The following TFDP1 variants were observed in gnomAD, a reference collection of about 807,000 sequenced individuals.
The protein encoded by TFDP1 is DRTF1-polypeptide 1.
A neutral mutation model predicts 48.0 loss-of-function variants in TFDP1; 6 were observed. That is an observed-to-expected ratio of 0.13 (90% CI 0.07 to 0.25). The LOEUF is 0.25. Ranked by LOEUF, TFDP1 falls within the 10% of genes least tolerant of loss-of-function variation. TFDP1 has a pLI of 1.00. For synonymous variants in TFDP1, 201 were observed against 211.6 expected (o/e 0.95, Z 0.44); for missense variants, 335 against 543.0 (o/e 0.62, Z 3.81).
intron 2 of TFDP1, among the ~76,000 whole-genome samples, chr13:113,604,160 C>A (rs1284859865): frequency 4.9e-3 from 505 of 104,090 alleles, no homozygotes; most frequent in South Asian, 4.6e-3. Context: ...CAGCCTGTCT[C>A]AAAAAAAAAA....
rs2049634782 is a variant in TFDP1 at position 113,641,402 on chromosome 13, T to G, written c.*1135T>G. 1 of 152,176 alleles carries G rather than the reference T, an allele frequency of 6.6e-6. No homozygotes were observed. The highest frequency in any genetic ancestry group is 2.1e-4 in the South Asian group (1 of 4,820). 9.4% of individuals were successfully genotyped at this position (152,176 alleles called of 1,614,324 possible). A position where few individuals can be genotyped will look rare whatever the true frequency, so the allele number is the denominator to read the frequency against. The stretch of plus-strand genomic sequence containing the variant: ...ATATTTTATGGTATATAAAGAGACT[T>G]TAATTGTTTGACTTGTTTAACTTGG... On this transcript the variant is annotated 3_prime_UTR_variant, in exon 12 of 12. Coordinates refer to ENST00000375370, the MANE Select transcript of TFDP1 (RefSeq NM_007111.5).
intron 2 of TFDP1, among the ~76,000 whole-genome samples, chr13:113,595,552 C>T (rs1182407077): frequency 6.6e-6 from 1 of 152,204 alleles, no homozygotes; most frequent in Non-Finnish European, 1.5e-5. Context: ...ATGGATGTGT[C>T]TCAGTAATTA....
chr13:113,611,991 A>G (rs975122428), intron 3 of TFDP1, among the ~76,000 whole-genome samples: 4 of 151,906 alleles, frequency 2.6e-5, no homozygotes, highest in Non-Finnish European at 4.4e-5. Flanking sequence ...CCTAAAAGGA[A>G]CCTTAAGATT....
In TFDP1 at chr13:113,633,757, G is replaced by A. The variant is rs1051389783; in HGVS notation, c.475-133G>A. The A allele has an allele frequency of 1.5e-5, 16 of 1,053,552 alleles. No individual in the cohort carries two copies. The highest frequency in any genetic ancestry group is 3.1e-5 in the South Asian group (2 of 64,710). 65.3% of individuals were successfully genotyped at this position (1,053,552 alleles called of 1,614,324 possible). ...CCTGCGTCATCTGTGGGGTGGGAGC[G>A]CTCCCTGAGGGCATGTTGGGGTGGC... On this transcript the variant is annotated intron_variant, in intron 6 of 11. Transcript: ENST00000375370. The surrounding 1 kb of genome is among the most constrained non-coding windows in gnomAD (Gnocchi z 4.5).
At position 113,607,842 on chromosome 13, in the gene TFDP1, G is replaced by A. The variant is rs751649805; in HGVS notation, c.13-3154G>A. ...GGATTGCTGAGTTCCCATCCCAGCC[G>A]GAGCTGACCACCAAGTCGACGGGGC... On this transcript the variant is annotated intron_variant, in intron 2 of 11. Coordinates refer to ENST00000375370, the MANE Select transcript of TFDP1 (RefSeq NM_007111.5). This position sits in a 1 kb window ranked among gnomAD's most constrained non-coding sequence, Gnocchi z 5.2. Among the ~76,000 whole-genome samples, 52 of 152,318 alleles carry A rather than the reference G, an allele frequency of 3.4e-4. No individual in the cohort carries two copies. The highest frequency in any genetic ancestry group is 6.2e-4 in the Non-Finnish European group (42 of 68,016).
chr13:113,599,916 C>T (rs2048370033), intron 2 of TFDP1, among the ~76,000 whole-genome samples: 1 of 151,130 alleles, frequency 6.6e-6, no homozygotes, highest in Non-Finnish European at 1.5e-5. Flanking sequence ...GTATGTAGGG[C>T]TCCAGAACCG....
intron 5 of TFDP1, among the ~76,000 whole-genome samples, chr13:113,632,763 G>A (rs553626474): frequency 6.6e-6 from 1 of 152,316 alleles, no homozygotes; most frequent in Admixed American, 6.5e-5. Context: ...ACGACAGAGC[G>A]AGACTCCGTC....
intron 2 of TFDP1, among the ~76,000 whole-genome samples, chr13:113,597,463 T>C (rs190624010): frequency 3.9e-4 from 59 of 152,264 alleles, no homozygotes; most frequent in African/African-American, 1.4e-3. Context: ...TGATGTGTTG[T>C]GGAGGAAGCT....
intron 5 of TFDP1, among the ~76,000 whole-genome samples, chr13:113,632,147 C>T (rs563809437): frequency 1.3e-5 from 2 of 152,232 alleles, no homozygotes; most frequent in Non-Finnish European, 2.9e-5. Flanking sequence ...CCTGGGGTTA[C>T]GGCCCCCGCG....
intron 3 of TFDP1, among the ~76,000 whole-genome samples, chr13:113,621,714 C>T (rs907825229): frequency 1.3e-5 from 2 of 152,198 alleles, no homozygotes; most frequent in African/African-American, 2.4e-5. Context: ...GGAAGATGTC[C>T]GTTGCCAGGT....
Position 113,611,038 on chromosome 13 carries a change from G to A in TFDP1, c.55G>A (p.Asp19Asn). 6.2e-7 allele frequency: 1 copy of A among 1,614,144 alleles called. No individual in the cohort carries two copies. Among genetic ancestry groups the A allele is most frequent in the South Asian group, 1.1e-5 (1 of 91,074 alleles). ...CAACGGAGAACTCAAGGTCTTCATA[G>A]ACCAGAACCTTAGTCCCGGGAAAGG... Reference protein sequence around the residue: ...EANGELKVFIDQNLSPGKGVV... With the variant: ...EANGELKVFINQNLSPGKGVV... Residue 19 changes from aspartate (D) to asparagine (N), a missense_variant, in exon 3 of 12, where the codon GAC (aspartate) becomes AAC (asparagine). Physicochemically the swap from Asp to Asn is conservative, Grantham distance 23. Transcript: ENST00000375370.
chr13:113,607,771 G>A lies in TFDP1; in HGVS notation c.13-3225G>A, dbSNP rs1273243807. On this transcript the variant is annotated intron_variant, in intron 2 of 11. Coordinates refer to ENST00000375370, the MANE Select transcript of TFDP1 (RefSeq NM_007111.5). This position sits in a 1 kb window ranked among gnomAD's most constrained non-coding sequence, Gnocchi z 5.2. ...GTGCCAGTGGGTGGCGGTGACGGGG[G>A]CCAGTGGTTTCCTGGACCTGGGTTT... Among the ~76,000 whole-genome samples the A allele has an allele frequency of 1.3e-5, 2 of 152,190 alleles. No individual in the cohort carries two copies. The highest frequency in any genetic ancestry group is 2.9e-5 in the Non-Finnish European group (2 of 68,014).
At chr13:113,620,514 C>T (rs1000274663) in intron 3 of TFDP1, among the ~76,000 whole-genome samples, 11 of 152,140 alleles carry the variant, frequency 7.2e-5, no homozygotes, top group Non-Finnish European at 1.3e-4. Context: ...ACTACATATT[C>T]TTGAAAACTG....
chr13:113,634,376 A>G, intron 7 of TFDP1, 158 bp from the exon 8 acceptor site: 1 of 680,610 alleles, frequency 1.5e-6, no homozygotes, highest in Non-Finnish European at 2.6e-6. Flanking sequence ...ACTCACCTAT[A>G]TCTTGTAGCA....
intron 3 of TFDP1, among the ~76,000 whole-genome samples, chr13:113,615,657 G>A (rs772844450): frequency 6.6e-6 from 1 of 152,216 alleles, no homozygotes; most frequent in Non-Finnish European, 1.5e-5. Context: ...AAATCCCGGT[G>A]CTTTGGGAGA....
chr13:113,632,971 G>T, intron 5 of TFDP1, 149 bp from the exon 6 acceptor site: 1 of 900,090 alleles, frequency 1.1e-6, no homozygotes. Flanking sequence ...AGGGGGTCCT[G>T]GCCTGCTCAC....
rs896221843 is a variant in TFDP1, at chr13:113,607,132, G to A, written c.13-3864G>A. 2.6e-5 allele frequency among the ~76,000 whole-genome samples: 4 copies of A among 152,214 alleles called. No homozygotes were observed. The highest frequency in any genetic ancestry group is 6.5e-5 in the Admixed American group (1 of 15,290). The stretch of plus-strand genomic sequence containing the variant: ...AGGGTGAATGAAGGCTGAAGATGCC[G>A]CCAAACACCCTGCAGGGAGGCTGGC... On this transcript the variant is annotated intron_variant, in intron 2 of 11. Transcript: ENST00000375370. This position sits in a 1 kb window ranked among gnomAD's most constrained non-coding sequence, Gnocchi z 5.2.
chr13:113,611,016 C>T lies in TFDP1; in HGVS notation c.33C>T (p.Asn11=), dbSNP rs4150731. The T allele has an allele frequency of 4.2e-3, 6,823 of 1,614,016 alleles. 160 individuals carry two copies. The African/African-American group carries it at 0.058, about 14-fold the overall frequency. The change falls in exon 3 of 12, where the codon AAC becomes AAT. Residue 11 remains asparagine (N), a synonymous_variant. Transcript: ENST00000375370. ...CGCAGGCCGGTCTAATTGAAGCCAA[C>T]GGAGAACTCAAGGTCTTCATAGACC... The part of the protein sequence containing the change: MAKDAGLIEA[N]GELKVFIDQN...
chr13:113,636,585 A>G lies in TFDP1; in HGVS notation c.891A>G (p.Ile297Met), dbSNP rs753084518. 2 of 1,614,216 alleles carry G rather than the reference A, an allele frequency of 1.2e-6. No homozygotes were observed. Among genetic ancestry groups the G allele is most frequent in the South Asian group, 2.2e-5 (2 of 91,082 alleles). Residue 297 changes from isoleucine to methionine, a missense_variant, in exon 10 of 12, where the codon ATA (isoleucine) becomes ATG (methionine). Transcript: ENST00000375370. ...FDNTFEIHDD[I>M]EVLKRMGMAC... ...ACACATTTGAAATCCACGATGACAT[A>G]GAAGTGCTGAAGCGGATGGGCATGG... is the stretch of plus-strand genomic sequence containing the variant.
Sources: allele counts gnomAD v4.1 joint callset (sites outside exome capture counted in the v4.1 genomes callset), GRCh38; gene constraint gnomAD v4.1.1; non-coding constraint Gnocchi (gnomAD v3.1); transcripts MANE v1.5; gene names NCBI Gene and HGNC (gene_info 2026-07-23, HGNC 2026-07-21).